Variants in PIBF1 observed in about 807,000 individuals in gnomAD.
The protein encoded by PIBF1 is progesterone immunomodulatory binding factor 1, also known as progesterone-induced-blocking factor 1.
PIBF1 carries 90 observed loss-of-function variants against 112.5 expected under a neutral mutation model. The ratio of observed to expected loss-of-function variants is 0.80; its 90% confidence interval spans 0.67 to 0.95. The LOEUF (loss-of-function observed/expected upper bound fraction) is 0.95. Ranked by LOEUF, PIBF1 falls within the 40% of genes least tolerant of loss-of-function variation. The probability of loss-of-function intolerance (pLI) is 0.00; values close to 1 mark genes in which losing one functional copy is unlikely to be tolerated. For missense variants in PIBF1, 915 were observed against 852.3 expected, an observed-to-expected ratio of 1.07 and a Z score of -0.92; for synonymous variants, 301 against 288.6, an observed-to-expected ratio of 1.04 and a Z score of -0.44.
chr13:72,823,088 C>T (rs901687588), intron 6 of PIBF1, among the ~76,000 whole-genome samples: 4 of 152,090 alleles, frequency 2.6e-5, no homozygotes, highest in African/African-American at 9.7e-5. Flanking sequence ...AGTGAAACTT[C>T]ATCTCTTAAA....
At chr13:72,980,472 A>G (rs2043129749) in intron 16 of PIBF1, among the ~76,000 whole-genome samples, 2 of 152,146 alleles carry the variant, frequency 1.3e-5, no homozygotes, top group Admixed American at 1.3e-4. Context: ...CCAAAGAAAG[A>G]TTTTTAAAAA....
At chr13:73,002,098 AC>A (rs2043888279) in intron 17 of PIBF1, among the ~76,000 whole-genome samples, 1 of 152,180 alleles carries the variant, frequency 6.6e-6, no homozygotes, top group Non-Finnish European at 1.5e-5. Flanking sequence ...AACTAATTGA[AC>A]CACAGAATGT....
At chr13:72,923,915 G>C (rs779536035) in intron 13 of PIBF1, among the ~76,000 whole-genome samples, 1 of 152,146 alleles carries the variant, frequency 6.6e-6, no homozygotes, top group Non-Finnish European at 1.5e-5. Flanking sequence ...AGTCAGCCCA[G>C]GTCACGCCAT....
rs933608475 is a variant in PIBF1, at chr13:72,900,394, T to C, written c.1488+6445T>C. ...TCACCAAAACAGTGTGGTACTGGTA[T>C]AAAAATAGGCACATAGACCAATGGA... is the stretch of plus-strand genomic sequence containing the variant. On this transcript the variant is annotated intron_variant, in intron 11 of 17. Transcript: ENST00000326291. 7.9e-5 allele frequency among the ~76,000 whole-genome samples: 12 copies of C among 152,076 alleles called. No individual in the cohort carries two copies. The East Asian group carries it at 1.9e-3, about 24-fold the overall frequency.
intron 2 of PIBF1, among the ~76,000 whole-genome samples, chr13:72,786,772 T>G (rs1378660969): frequency 2.6e-5 from 4 of 152,218 alleles, no homozygotes; most frequent in African/African-American, 9.6e-5. Context: ...TTAGTAGAGT[T>G]TTTTTCTCTA....
chr13:72,835,017 T>G (rs1380866262), intron 8 of PIBF1, among the ~76,000 whole-genome samples: 1 of 152,152 alleles, frequency 6.6e-6, no homozygotes, highest in Admixed American at 6.6e-5. Flanking sequence ...TATATAGTAA[T>G]TAAGTCTTTT....
chr13:73,001,851 T>C (rs2043881055), intron 17 of PIBF1, among the ~76,000 whole-genome samples: 1 of 152,118 alleles, frequency 6.6e-6, no homozygotes, highest in Non-Finnish European at 1.5e-5. Flanking sequence ...CTCAAACTCC[T>C]GACCTCGTGA....
intron 14 of PIBF1, among the ~76,000 whole-genome samples, chr13:72,962,398 C>A (rs1046889356): frequency 2.0e-5 from 3 of 151,934 alleles, no homozygotes; most frequent in Admixed American, 2.0e-4. Flanking sequence ...GGAGTTCAAG[C>A]CCATCCTGGG....
At chr13:72,865,084 T>A (rs945338756) in intron 10 of PIBF1, among the ~76,000 whole-genome samples, 8 of 152,202 alleles carry the variant, frequency 5.3e-5, no homozygotes, top group African/African-American at 1.9e-4. Context: ...TTAAATTTTG[T>A]TACTACATAA....
At chr13:72,987,394 A>G (rs2043325810) in intron 16 of PIBF1, among the ~76,000 whole-genome samples, 1 of 149,978 alleles carries the variant, frequency 6.7e-6, no homozygotes, top group Non-Finnish European at 1.5e-5. Context: ...ATGTGTCTTC[A>G]TTTTTAAAGC....
At chr13:72,957,363 A>G (rs185236014) in intron 14 of PIBF1, among the ~76,000 whole-genome samples, 16 of 152,358 alleles carry the variant, frequency 1.1e-4, no homozygotes, top group Non-Finnish European at 8.8e-5. Flanking sequence ...CGGCATTCAC[A>G]CAACCTGGAT....
At chr13:72,875,881 G>A (rs2138459660) in intron 10 of PIBF1, among the ~76,000 whole-genome samples, 1 of 152,160 alleles carries the variant, frequency 6.6e-6, no homozygotes, top group East Asian at 1.9e-4. Context: ...CTCCCAGTCT[G>A]GGGTTTTTAT....
intron 14 of PIBF1, among the ~76,000 whole-genome samples, chr13:72,945,903 A>C (rs1047684547): frequency 6.6e-6 from 1 of 152,184 alleles, no homozygotes; most frequent in Non-Finnish European, 1.5e-5. Context: ...TTGAGAGCCT[A>C]CTTAATGCCA....
intron 10 of PIBF1, among the ~76,000 whole-genome samples, chr13:72,867,440 A>G (rs1461619122): frequency 1.3e-5 from 2 of 152,230 alleles, no homozygotes; most frequent in Non-Finnish European, 2.9e-5. Flanking sequence ...TACTCAAAAA[A>G]TATTAACTAT....
chr13:72,955,326 A>G (rs2042414344), intron 14 of PIBF1, among the ~76,000 whole-genome samples: 1 of 151,926 alleles, frequency 6.6e-6, no homozygotes, highest in African/African-American at 2.4e-5. Flanking sequence ...TGTTATTTAA[A>G]TCATGCTTGT....
intron 10 of PIBF1, among the ~76,000 whole-genome samples, chr13:72,875,896 CT>C (rs891571785): frequency 2.0e-5 from 3 of 151,948 alleles, no homozygotes; most frequent in African/African-American, 7.3e-5. Flanking sequence ...TTTTATTTTC[CT>C]TCTCTTGATG....
chr13:72,932,392 A>G (rs902215060), intron 14 of PIBF1, among the ~76,000 whole-genome samples: 12 of 152,222 alleles, frequency 7.9e-5, no homozygotes, highest in Admixed American at 2.0e-4. Context: ...TTTTCATACT[A>G]TAACATTAGG....
At chr13:72,841,022 A>G (rs1378279677) in intron 9 of PIBF1, among the ~76,000 whole-genome samples, 1 of 152,198 alleles carries the variant, frequency 6.6e-6, no homozygotes, top group Admixed American at 6.5e-5. Context: ...CTTGAAGTTA[A>G]AGTATTGAGA....
intron 10 of PIBF1, among the ~76,000 whole-genome samples, chr13:72,856,739 A>G (rs2138339992): frequency 6.6e-6 from 1 of 152,326 alleles, no homozygotes. Flanking sequence ...TTAGGACTGT[A>G]ATGTTGATAA....
Sources: gnomAD v4.1 joint callset for allele counts (sites outside exome capture counted in the v4.1 genomes callset) on GRCh38, gnomAD v4.1.1 for gene constraint, MANE v1.5 for transcripts, NCBI Gene and HGNC (gene_info 2026-07-23, HGNC 2026-07-21) for gene names.